MYL3: variants seen among roughly 807,000 people sequenced by gnomAD.
The protein encoded by MYL3 is myosin light chain 3, also known as CMLC1.
A neutral mutation model predicts 21.3 loss-of-function variants in MYL3; 11 were observed. That is an observed-to-expected ratio of 0.52 (90% CI 0.32 to 0.85). The LOEUF (loss-of-function observed/expected upper bound fraction) is 0.85. MYL3 is among the 40% of genes least tolerant of loss of function. MYL3 has a pLI of 0.03. For synonymous variants in MYL3, 88 were observed against 91.6 expected, an observed-to-expected ratio of 0.96 and a Z score of 0.22; for missense variants, 206 against 253.3, an observed-to-expected ratio of 0.81 and a Z score of 1.27.
rs1162418560 is a variant in MYL3 at position 46,859,210 on chromosome 3, C to T, written c.481+265G>A. Among the ~76,000 whole-genome samples the T allele has an allele frequency of 2.6e-5, 4 of 152,030 alleles. No homozygotes were observed. The highest frequency in any genetic ancestry group is 2.0e-4 in the Admixed American group (3 of 15,272). On this transcript the variant is annotated intron_variant, in intron 4 of 6. Transcript: ENST00000292327. This position sits in a 1 kb window ranked among gnomAD's most constrained non-coding sequence, Gnocchi z 4.1. ...GACCACCAGGACGGTGGCCTGGAGTCGTGGGAAGGAGGGGAGCATATCAAG... is the reference window on the plus strand; with the variant it reads ...GACCACCAGGACGGTGGCCTGGAGTTGTGGGAAGGAGGGGAGCATATCAAG...
upstream of MYL3, chr3:46,863,506 C>T (rs1702014357): frequency 8.8e-7 from 1 of 1,131,486 alleles, no homozygotes; most frequent in Non-Finnish European, 1.3e-6. Flanking sequence ...CAGCCCCACC[C>T]CTGCAGTGCA....
Position 46,859,248 on chromosome 3 carries a change from T to G in MYL3, c.481+227A>C, listed in dbSNP as rs373968033. Among the ~76,000 whole-genome samples the G allele has an allele frequency of 3.4e-4, 51 of 152,180 alleles. No homozygotes were observed. Among genetic ancestry groups the G allele is most frequent in the African/African-American group, 1.2e-3 (50 of 41,440 alleles). On this transcript the variant is annotated intron_variant, in intron 4 of 6. Transcript: ENST00000292327. This position sits in a 1 kb window ranked among gnomAD's most constrained non-coding sequence, Gnocchi z 4.1. ...GGAGCATATCAAGACGGCTCCTTCC[T>G]GCCCTGCTCTGTCCCCAGAGCTGAT...
chr3:46,858,652 G>C (rs1701958904), intron 4 of MYL3, among the ~76,000 whole-genome samples, 191 bp from the exon 5 acceptor site: 1 of 152,220 alleles, frequency 6.6e-6, no homozygotes, highest in African/African-American at 2.4e-5. Context: ...AAGGGGCCTG[G>C]GGTGCAGTAC....
chr3:46,880,494 C>G (rs146752462), intron 1 of MYL3, among the ~76,000 whole-genome samples: 3,128 of 152,166 alleles, frequency 0.021, 55 homozygotes, highest in Non-Finnish European at 0.034. Flanking sequence ...AATCCCAGCA[C>G]TTTGGGAGGC....
chr3:46,879,779 C>T lies in MYL3; in HGVS notation c.-218+2295G>A, dbSNP rs1041121925. On this transcript the variant is annotated intron_variant, in intron 1 of 3. Transcript: ENST00000431168. The surrounding 1 kb of genome is among the most constrained non-coding windows in gnomAD (Gnocchi z 4.7). ...AAAAAATGCTGCGTGTGGTGGCTCA[C>T]GCTTGTAATCTCAACACTTTGGGAG... Among the ~76,000 whole-genome samples the T allele has an allele frequency of 2.0e-5, 3 of 150,026 alleles. No homozygotes were observed. The highest frequency in any genetic ancestry group is 4.9e-5 in the African/African-American group (2 of 40,566).
chr3:46,873,402 C>T (rs2030013011), intron 1 of MYL3, among the ~76,000 whole-genome samples: 2 of 152,178 alleles, frequency 1.3e-5, no homozygotes, highest in Admixed American at 1.3e-4. Flanking sequence ...AGGCAGGGGC[C>T]ACGGAAGGCA....
rs772146529 is a variant in MYL3 at position 46,858,286 on chromosome 3, G to A, written c.560-14C>T. 1 of 1,614,192 alleles carries A rather than the reference G, an allele frequency of 6.2e-7. No homozygotes were observed. The highest frequency in any genetic ancestry group is 8.5e-7 in the Non-Finnish European group (1 of 1,180,018). On this transcript the variant is annotated splice_polypyrimidine_tract_variant and intron_variant, in intron 5 of 6. Transcript: ENST00000292327. ...GCTTCACAAATGCTGGAAAGAAGAG[G>A]AGAGTGAGTGGCAGGAGTGCAACAT...
Position 46,882,078 on chromosome 3 carries a change from C to T in MYL3, c.-222G>A, listed in dbSNP as rs1350048180. On this transcript the variant is annotated 5_prime_UTR_variant, in exon 1 of 4. Transcript: ENST00000431168. The surrounding 1 kb of genome is among the most constrained non-coding windows in gnomAD (Gnocchi z 4.3). ...CCCCGTCTCCCCAGCACTCACATCC[C>T]GCCGCCGTAAGACTCCGGGCCTCGG... 6.6e-6 allele frequency: 1 copy of T among 152,182 alleles called. No individual in the cohort carries two copies. Among genetic ancestry groups the T allele is most frequent in the African/African-American group, 2.4e-5 (1 of 41,428 alleles). The allele number at this position is 152,182 out of a possible 1,614,324, so 9.4% of individuals were successfully genotyped here. A position where few individuals can be genotyped will look rare whatever the true frequency, so the allele number is the denominator to read the frequency against.
rs994439063 is a variant in MYL3, at chr3:46,874,882, G to C, written c.-218+7192C>G. On this transcript the variant is annotated intron_variant, in intron 1 of 3. Coordinates refer to the MYL3 transcript ENST00000431168. The surrounding 1 kb of genome is among the most constrained non-coding windows in gnomAD (Gnocchi z 4.1). ...CCCAGTGGCTGGCCAGGTTGCCCGG[G>C]CATGTGGGGGCACTGATGAAAGGGG... 1.3e-5 allele frequency among the ~76,000 whole-genome samples: 2 copies of C among 152,120 alleles called. No individual in the cohort carries two copies. The highest frequency in any genetic ancestry group is 4.8e-5 in the African/African-American group (2 of 41,410).
Position 46,874,595 on chromosome 3 carries a change from A to G in MYL3, c.-218+7479T>C, listed in dbSNP as rs1341300684. On this transcript the variant is annotated intron_variant, in intron 1 of 3. Transcript: ENST00000431168. The surrounding 1 kb of genome is among the most constrained non-coding windows in gnomAD (Gnocchi z 4.1). ...AACGCGTGCCCGGGACCTCGGTGAT[A>G]TTTTGAGTTTAAGAAAACTTTGCAG... Among the ~76,000 whole-genome samples the G allele has an allele frequency of 6.6e-6, 1 of 152,088 alleles. No individual in the cohort carries two copies. The highest frequency in any genetic ancestry group is 1.5e-5 in the Non-Finnish European group (1 of 68,020).
rs1025571434 is a variant in MYL3 at position 46,859,196 on chromosome 3, C to A, written c.481+279G>T. On this transcript the variant is annotated intron_variant, in intron 4 of 6. Transcript: ENST00000292327. This position sits in a 1 kb window ranked among gnomAD's most constrained non-coding sequence, Gnocchi z 4.1. Reference sequence around the variant, plus strand: ...GACCTTGGAGTAATGACCACCAGGACGGTGGCCTGGAGTCGTGGGAAGGAG... The same window carrying A: ...GACCTTGGAGTAATGACCACCAGGAAGGTGGCCTGGAGTCGTGGGAAGGAG... Among the ~76,000 whole-genome samples, 1 of 152,076 alleles carries A rather than the reference C, an allele frequency of 6.6e-6. No individual in the cohort carries two copies. The highest frequency in any genetic ancestry group is 1.5e-5 in the Non-Finnish European group (1 of 68,004).
chr3:46,863,144 A>G, intron 1 of MYL3, 118 bp downstream of exon 1: 3 of 1,475,210 alleles, frequency 2.0e-6, no homozygotes, highest in Non-Finnish European at 2.8e-6. Flanking sequence ...TCTGCACAGA[A>G]GCTTCCAGCG....
In MYL3 at chr3:46,860,977, G is replaced by A. The variant is rs778515428; in HGVS notation, c.140C>T (p.Thr47Ile). 26 of 1,614,040 alleles carry A rather than the reference G, an allele frequency of 1.6e-5. No homozygotes were observed. The highest frequency in any genetic ancestry group is 2.0e-5 in the Non-Finnish European group (24 of 1,180,022). The change falls in exon 2 of 7, where the codon ACA becomes ATA. Residue 47 changes from threonine to isoleucine, a missense_variant. Coordinates refer to ENST00000292327, the MANE Select transcript of MYL3 (RefSeq NM_000258.3). This position sits in a 1 kb window ranked among gnomAD's most constrained non-coding sequence, Gnocchi z 4.6. ...CTGCTCACCTTCAATCTGCTCAGGT[G>A]TGAACTCAATCTGAAAAGAGACCCC... ...FDASKIKIEF[T>I]PEQIEEFKEA...
Position 46,860,934 on chromosome 3 carries a change from C to G in MYL3, c.157+26G>C, listed in dbSNP as rs1042816943. The G allele has an allele frequency of 6.2e-7, 1 of 1,614,128 alleles. No homozygotes were observed. Among genetic ancestry groups the G allele is most frequent in the Non-Finnish European group, 8.5e-7 (1 of 1,180,006 alleles). On this transcript the variant is annotated intron_variant, in intron 2 of 6. Transcript: ENST00000292327. The surrounding 1 kb of genome is among the most constrained non-coding windows in gnomAD (Gnocchi z 4.6). ...AGGGAACCCCAGCCCAATCCTGCAA[C>G]CCCTGGGTTCAAGACCCCTGCTCAC...
rs1379659211 is a variant in MYL3 at position 46,859,254 on chromosome 3, G to A, written c.481+221C>T. Among the ~76,000 whole-genome samples the A allele has an allele frequency of 1.3e-5, 2 of 152,158 alleles. No individual in the cohort carries two copies. The highest frequency in any genetic ancestry group is 4.8e-5 in the African/African-American group (2 of 41,436). On this transcript the variant is annotated intron_variant, in intron 4 of 6. Transcript: ENST00000292327. This position sits in a 1 kb window ranked among gnomAD's most constrained non-coding sequence, Gnocchi z 4.1. Reference sequence around the variant, plus strand: ...TATCAAGACGGCTCCTTCCTGCCCTGCTCTGTCCCCAGAGCTGATGTCATC... The same window carrying A: ...TATCAAGACGGCTCCTTCCTGCCCTACTCTGTCCCCAGAGCTGATGTCATC...
At position 46,860,936 on chromosome 3, in the gene MYL3, C is replaced by A. The variant is rs1701986396; in HGVS notation, c.157+24G>T. Reference sequence around the variant, plus strand: ...GGAACCCCAGCCCAATCCTGCAACCCCTGGGTTCAAGACCCCTGCTCACCT... The same window carrying A: ...GGAACCCCAGCCCAATCCTGCAACCACTGGGTTCAAGACCCCTGCTCACCT... On this transcript the variant is annotated intron_variant, in intron 2 of 6. Coordinates refer to ENST00000292327, the MANE Select transcript of MYL3 (RefSeq NM_000258.3). The surrounding 1 kb of genome is among the most constrained non-coding windows in gnomAD (Gnocchi z 4.6). 2 of 1,614,014 alleles carry A rather than the reference C, an allele frequency of 1.2e-6. No homozygotes were observed.
At chr3:46,873,889 C>T (rs941480375) in intron 1 of MYL3, among the ~76,000 whole-genome samples, 44 of 152,238 alleles carry the variant, frequency 2.9e-4, no homozygotes, top group African/African-American at 1.0e-3. Context: ...GGCCTGACCT[C>T]ACTGGGCCAG....
At position 46,863,309 on chromosome 3, in the gene MYL3, C is replaced by T. The variant is rs754220375; in HGVS notation, c.82G>A (p.Glu28Lys). The T allele has an allele frequency of 5.0e-6, 8 of 1,614,000 alleles. No individual in the cohort carries two copies. Among genetic ancestry groups the T allele is most frequent in the Non-Finnish European group, 6.8e-6 (8 of 1,180,036 alleles). ...TCGACCTCCTTAGGGCGCTCAGGCT[C>T]AGGGGGAGGTGCGGGAGCTGGAGCT... ...KAAPAPAPPP[E>K]PERPKEVEFD... is the part of the protein sequence containing the mutation. The change falls in exon 1 of 7, where the codon GAG (glutamate) becomes AAG (lysine). Residue 28 changes from glutamate (E) to lysine (K), a missense_variant. Transcript: ENST00000292327.
At chr3:46,867,002 C>T (rs2106918846), upstream of MYL3, among the ~76,000 whole-genome samples, 1 of 152,264 alleles carries the variant, frequency 6.6e-6, no homozygotes, top group Non-Finnish European at 1.5e-5. Context: ...AACCCAGACC[C>T]CAGATCAGGA....
Sources: gnomAD v4.1 joint callset for allele counts (sites outside exome capture counted in the v4.1 genomes callset) on GRCh38, gnomAD v4.1.1 for gene constraint, Gnocchi (gnomAD v3.1) non-coding constraint, MANE v1.5 for transcripts, NCBI Gene and HGNC (gene_info 2026-07-23, HGNC 2026-07-21) for gene names.